Variants in LIN52 observed in about 807,000 individuals in gnomAD.
LIN52 encodes lin-52 DREAM MuvB core complex component.
LIN52 carries 4 observed loss-of-function variants against 18.5 expected under a neutral mutation model. That is an observed-to-expected ratio of 0.22 (90% CI 0.11 to 0.49). The LOEUF is 0.49. LIN52 is among the 20% of genes least tolerant of loss of function. The probability of loss-of-function intolerance (pLI) is 0.97; values close to 1 mark genes in which losing one functional copy is unlikely to be tolerated. For synonymous variants in LIN52, 34 were observed against 45.5 expected (o/e 0.75, Z 1.02); for missense variants, 102 against 139.5 (o/e 0.73, Z 1.35).
Position 74,097,864 on chromosome 14 carries a change from A to C in LIN52, c.199+4A>C. On this transcript the variant is annotated splice_donor_region_variant and intron_variant, in intron 4 of 5. Coordinates refer to ENST00000555028, the MANE Select transcript of LIN52 (RefSeq NM_001024674.3). ...GATGACATCGACATGTTGAAAGGTA[A>C]GTGATGCTAGTTACCACTTTTAACT... 6.2e-7 allele frequency: 1 copy of C among 1,605,684 alleles called. No individual in the cohort carries two copies. The highest frequency in any genetic ancestry group is 1.3e-5 in the African/African-American group (1 of 74,866).
intron 5 of LIN52, among the ~76,000 whole-genome samples, chr14:74,128,974 AC>A (rs1424615731): frequency 1.1e-4 from 17 of 151,800 alleles, no homozygotes; most frequent in African/African-American, 3.9e-4. Flanking sequence ...AAAAACAACA[AC>A]CCTGGAGGAG....
At chr14:74,103,615 A>G (rs568976523) in intron 5 of LIN52, among the ~76,000 whole-genome samples, 3 of 150,348 alleles carry the variant, frequency 2.0e-5, no homozygotes, top group Admixed American at 1.3e-4. Context: ...TATTTTTAGT[A>G]GAGATGGGGT....
chr14:74,106,436 A>C (rs2139893111), intron 5 of LIN52, among the ~76,000 whole-genome samples: 1 of 152,098 alleles, frequency 6.6e-6, no homozygotes, highest in African/African-American at 2.4e-5. Flanking sequence ...ATATCTGGCT[A>C]ATTTTTTTGA....
intron 5 of LIN52, among the ~76,000 whole-genome samples, chr14:74,193,004 CA>C (rs1448102930): frequency 6.6e-6 from 1 of 152,080 alleles, no homozygotes; most frequent in East Asian, 1.9e-4. Context: ...CATTTGTGCA[CA>C]AGCATATTAC....
chr14:74,097,923 ATT>A, intron 4 of LIN52, 63 bp downstream of exon 4: 7 of 1,097,880 alleles, frequency 6.4e-6, no homozygotes, highest in Admixed American at 4.5e-5. Context: ...CCACCTCTCT[ATT>A]TTTTTTTTCT....
intron 5 of LIN52, among the ~76,000 whole-genome samples, chr14:74,126,962 A>G (rs532381006): frequency 4.6e-5 from 7 of 152,338 alleles, no homozygotes; most frequent in Admixed American, 4.6e-4. Context: ...ACATAGTGTC[A>G]CCTTTATCAG....
intron 5 of LIN52, among the ~76,000 whole-genome samples, chr14:74,125,960 G>GCA (rs1188686956): frequency 6.6e-6 from 1 of 150,512 alleles, no homozygotes; most frequent in African/African-American, 2.5e-5. Flanking sequence ...AATGGGTGCA[G>GCA]CACACCAACA....
Position 74,120,754 on chromosome 14 carries a change from C to CAA in LIN52, c.283+19533_283+19534dup, listed in dbSNP as rs386381782. 2.7e-3 allele frequency among the ~76,000 whole-genome samples: 284 copies of CAA among 106,108 alleles called. 10 individuals are homozygous for CAA. In the East Asian group the frequency reaches 0.052, roughly 20 times the overall value. 69.6% of individuals were successfully genotyped at this position (106,108 alleles called of 152,430 possible). A position where few individuals can be genotyped will look rare whatever the true frequency, so the allele number is the denominator to read the frequency against. ...TGGGCAACAGAGTGAGACTCCCTCTCAAAAAAAAAAAAAAAAAATTAGCTG... is the reference window on the plus strand; with the variant it reads ...TGGGCAACAGAGTGAGACTCCCTCTCAAAAAAAAAAAAAAAAAAAATTAGCTG... On this transcript the variant is annotated intron_variant, in intron 5 of 5. Transcript: ENST00000555028.
At chr14:74,185,592 C>T (rs985544197) in intron 5 of LIN52, among the ~76,000 whole-genome samples, 1 of 152,128 alleles carries the variant, frequency 6.6e-6, no homozygotes, top group Non-Finnish European at 1.5e-5. Flanking sequence ...GGATTACAGG[C>T]ATGAGCCACC....
chr14:74,089,658 T>C (rs2060759147), intron 1 of LIN52, among the ~76,000 whole-genome samples: 1 of 152,088 alleles, frequency 6.6e-6, no homozygotes, highest in Non-Finnish European at 1.5e-5. Flanking sequence ...CGTGCACCAC[T>C]GCATCTGGCC....
At chr14:74,123,384 A>T (rs2061010394) in intron 5 of LIN52, among the ~76,000 whole-genome samples, 1 of 152,194 alleles carries the variant, frequency 6.6e-6, no homozygotes, top group African/African-American at 2.4e-5. Flanking sequence ...CTGGGCAGTA[A>T]GAATGAGGAA....
chr14:74,186,356 A>G (rs1479710032), intron 5 of LIN52, among the ~76,000 whole-genome samples: 1 of 152,174 alleles, frequency 6.6e-6, no homozygotes, highest in Non-Finnish European at 1.5e-5. Context: ...TTCCTCATAT[A>G]TGAATATATT....
At chr14:74,092,465 C>T (rs993339223) in intron 2 of LIN52, among the ~76,000 whole-genome samples, 3 of 149,918 alleles carry the variant, frequency 2.0e-5, no homozygotes, top group South Asian at 2.1e-4. Context: ...CCGCAATGCC[C>T]GGCTAATTTT....
intron 5 of LIN52, among the ~76,000 whole-genome samples, chr14:74,153,278 C>G (rs2061184689): frequency 6.6e-6 from 1 of 152,046 alleles, no homozygotes; most frequent in Admixed American, 6.5e-5. Flanking sequence ...TGCAGATACC[C>G]CTCCCAACTA....
In LIN52 at chr14:74,192,497, G is replaced by A. The variant is rs141160706; in HGVS notation, c.284-6425G>A. On this transcript the variant is annotated intron_variant, in intron 5 of 5. Transcript: ENST00000555028. ...GATGAGGTTTCACCATGTTGGCCAG[G>A]CTGGTCTCGAACTCCTGACCCCTCA... 718 of 161,220 alleles carry A rather than the reference G, an allele frequency of 4.5e-3. 2 individuals carry two copies. The highest frequency in any genetic ancestry group is 0.014 in the African/African-American group (601 of 41,620). 10.0% of individuals were successfully genotyped at this position (161,220 alleles called of 1,614,324 possible). A position where few individuals can be genotyped will look rare whatever the true frequency, so the allele number is the denominator to read the frequency against.
rs897933183 is a variant in LIN52, at chr14:74,134,551, A to G, written c.283+33313A>G. Among the ~76,000 whole-genome samples the G allele has an allele frequency of 7.2e-5, 11 of 152,168 alleles. No homozygotes were observed. In the East Asian group the frequency reaches 2.1e-3, roughly 29 times the overall value. Reference sequence around the variant, plus strand: ...TGGTAGATGTGAAAAATCCTTTCTAACTTCATTTTATAATGTACCTTTAAG... The same window carrying G: ...TGGTAGATGTGAAAAATCCTTTCTAGCTTCATTTTATAATGTACCTTTAAG... On this transcript the variant is annotated intron_variant, in intron 5 of 5. Transcript: ENST00000555028.
chr14:74,184,224 G>T (rs539195853), intron 5 of LIN52, among the ~76,000 whole-genome samples: 7 of 152,260 alleles, frequency 4.6e-5, no homozygotes, highest in East Asian at 1.9e-4. Context: ...GGGACCACAG[G>T]CACATGCCAC....
intron 5 of LIN52, among the ~76,000 whole-genome samples, chr14:74,152,262 C>CAAA (rs33967967): frequency 4.0e-4 from 52 of 130,532 alleles, no homozygotes; most frequent in East Asian, 2.0e-3. Flanking sequence ...ACCTCCATCT[C>CAAA]AAAAAAAAAA....
chr14:74,149,774 C>G (rs893474404), intron 5 of LIN52, among the ~76,000 whole-genome samples: 6 of 152,054 alleles, frequency 3.9e-5, no homozygotes, highest in Non-Finnish European at 7.4e-5. Context: ...TTTAGGAGAA[C>G]CTGGATGAAA....
Sources: allele counts gnomAD v4.1 joint callset (sites outside exome capture counted in the v4.1 genomes callset), GRCh38; gene constraint gnomAD v4.1.1; transcripts MANE v1.5; gene names NCBI Gene and HGNC (gene_info 2026-07-23, HGNC 2026-07-21).